Variants in PRPF40B observed in about 807,000 individuals in gnomAD.
PRPF40B encodes the protein pre-mRNA-processing factor 40 homolog B.
Under a neutral mutation model 124.5 loss-of-function variants are expected in PRPF40B, and 56 were observed. That is an observed-to-expected ratio of 0.45 (90% confidence interval 0.36 to 0.56). The LOEUF (loss-of-function observed/expected upper bound fraction) is 0.56, where lower values mean the gene tolerates loss of function less well. PRPF40B is among the 20% of genes least tolerant of loss of function. The pLI is 0.00. For synonymous variants in PRPF40B, 443 were observed against 426.4 expected (o/e 1.04, Z -0.48); for missense variants, 1,053 against 1,169.5 (o/e 0.90, Z 1.45).
At position 49,630,526 on chromosome 12, in the gene PRPF40B, C is replaced by A; in HGVS notation, c.4-19C>A. 1.5e-6 allele frequency: 2 copies of A among 1,302,720 alleles called. No homozygotes were observed. Among genetic ancestry groups the A allele is most frequent in the Non-Finnish European group, 2.2e-6 (2 of 918,702 alleles). The allele number at this position is 1,302,720 out of a possible 1,614,324, so 80.7% of individuals were successfully genotyped here. A position where few individuals can be genotyped will look rare whatever the true frequency, so the allele number is the denominator to read the frequency against. Reference sequence around the variant, plus strand: ...TCTGTGCCCATCCTGGGTCCTATGACTTTTCTCTCCCTCAACAGTCGGTTC... The same window carrying A: ...TCTGTGCCCATCCTGGGTCCTATGAATTTTCTCTCCCTCAACAGTCGGTTC... On this transcript the variant is annotated intron_variant, in intron 1 of 25. Coordinates refer to ENST00000548825, the MANE Select transcript of PRPF40B (RefSeq NM_001031698.3).
chr12:49,630,349 GGCACAAGAGAGAGCAAAA>G (rs1021109972), intron 1 of PRPF40B, among the ~76,000 whole-genome samples, 178 bp from the exon 2 acceptor site: 51 of 152,304 alleles, frequency 3.3e-4, no homozygotes, highest in African/African-American at 1.2e-3. Flanking sequence ...GCTCTGAGCT[GGCACAAGAGAGAGCAAAA>G]GCACAAGAGA....
intron 1 of PRPF40B, among the ~76,000 whole-genome samples, chr12:49,629,102 A>G (rs1013315287): frequency 6.6e-6 from 1 of 152,224 alleles, no homozygotes; most frequent in Non-Finnish European, 1.5e-5. Flanking sequence ...TGAATGGGCA[A>G]TATAGTCATA....
chr12:49,630,176 TATTTG>T (rs1195628619), intron 1 of PRPF40B, among the ~76,000 whole-genome samples: 3 of 152,180 alleles, frequency 2.0e-5, no homozygotes, highest in Admixed American at 2.0e-4. Flanking sequence ...ACCTCTAACT[TATTTG>T]AGAGAGGCAC....
rs748541729 is a variant in PRPF40B, at chr12:49,644,079, A to G, written c.2587-21A>G. 56 of 1,614,076 alleles carry G rather than the reference A, an allele frequency of 3.5e-5. No individual in the cohort carries two copies. The South Asian group carries it at 5.7e-4, about 16-fold the overall frequency. On this transcript the variant is annotated intron_variant, in intron 25 of 25. Coordinates refer to ENST00000548825, the MANE Select transcript of PRPF40B (RefSeq NM_001031698.3). ...GGCCCTTAGTGCAGGCTAAGGGTGA[A>G]CTGTGCCTTTGCTCCAACAGACAGG...
Position 49,643,666 on chromosome 12 carries a change from TTAG to T in PRPF40B, c.2381-21_2381-19del. 1.9e-6 allele frequency: 3 copies of T among 1,609,562 alleles called. No homozygotes were observed. In the African/African-American group the frequency reaches 4.0e-5, roughly 22 times the overall value. On this transcript the variant is annotated intron_variant, in intron 23 of 25. Coordinates refer to ENST00000548825, the MANE Select transcript of PRPF40B (RefSeq NM_001031698.3). The stretch of plus-strand genomic sequence containing the variant: ...GAGCCTGTCTTTCTCCTGTTGGGAC[TTAG>T]TAGGGATTTTTCTATCTCTAGATCA...
intron 1 of PRPF40B, among the ~76,000 whole-genome samples, chr12:49,626,985 C>T (rs965187398): frequency 6.6e-6 from 1 of 152,180 alleles, no homozygotes; most frequent in Non-Finnish European, 1.5e-5. Flanking sequence ...AACTACTAGA[C>T]CTAACTTACC....
rs1457850072 is a variant in PRPF40B, at chr12:49,642,000, C to G, written c.1860C>G (p.Gly620=). The G allele has an allele frequency of 6.2e-7, 1 of 1,613,132 alleles. No individual in the cohort carries two copies. Residue 620 remains glycine, a synonymous_variant, in exon 19 of 26, where the codon GGC becomes GGG. Coordinates refer to ENST00000548825, the MANE Select transcript of PRPF40B (RefSeq NM_001031698.3). ...AGAGGGCTGCCGCACTGGACGCAGGCAACATCAAGCTGACCTTCAATAGTG... is the reference window on the plus strand; with the variant it reads ...AGAGGGCTGCCGCACTGGACGCAGGGAACATCAAGCTGACCTTCAATAGTG... The part of the protein sequence containing the change: ...FDKRAAALDA[G]NIKLTFNSLL...
In PRPF40B at chr12:49,642,947, C is replaced by T. The variant is rs1363906925; in HGVS notation, c.2136C>T (p.Leu712=). 4 of 1,613,624 alleles carry T rather than the reference C, an allele frequency of 2.5e-6. No homozygotes were observed. The Admixed American group carries it at 5.0e-5, about 20-fold the overall frequency. The change falls in exon 22 of 26, where the codon CTC becomes CTT. Residue 712 remains leucine, a synonymous_variant. Transcript: ENST00000548825. This position sits in a 1 kb window ranked among gnomAD's most constrained non-coding sequence, Gnocchi z 5.8. ...LQVLETECQH[L]HTKGRKHGRK... Reference sequence around the variant, plus strand: ...TCTAGCAGACTGAATGCCAGCACCTCCACACCAAAGGCCGAAAGCATGGCA... The same window carrying T: ...TCTAGCAGACTGAATGCCAGCACCTTCACACCAAAGGCCGAAAGCATGGCA...
chr12:49,642,500 G>T lies in PRPF40B; in HGVS notation c.2023-80G>T, dbSNP rs1942807850. 3 of 1,583,180 alleles carry T rather than the reference G, an allele frequency of 1.9e-6. No homozygotes were observed. Among genetic ancestry groups the T allele is most frequent in the South Asian group, 2.2e-5 (2 of 89,792 alleles). On this transcript the variant is annotated intron_variant, in intron 20 of 25. Transcript: ENST00000548825. This position sits in a 1 kb window ranked among gnomAD's most constrained non-coding sequence, Gnocchi z 5.8. ...CAGTTCCCTTCCTTTCTCTGCCCCA[G>T]CCCTGCCCTGTGCTCATGGCGGTGT...
chr12:49,635,609 C>A lies in PRPF40B; in HGVS notation c.1275+136C>A. 1.1e-6 allele frequency: 1 copy of A among 942,018 alleles called. No homozygotes were observed. The highest frequency in any genetic ancestry group is 1.6e-6 in the Non-Finnish European group (1 of 633,744). The allele number at this position is 942,018 out of a possible 1,614,324, so 58.4% of individuals were successfully genotyped here. On this transcript the variant is annotated intron_variant, in intron 14 of 25. Coordinates refer to ENST00000548825, the MANE Select transcript of PRPF40B (RefSeq NM_001031698.3). This position sits in a 1 kb window ranked among gnomAD's most constrained non-coding sequence, Gnocchi z 4.1. ...TTCTGACTTGGAAGCTGGTATGGGA[C>A]TTGCACATCTCATTTCTGCTCTGGG...
At chr12:49,633,825 G>T in intron 9 of PRPF40B, 61 bp from the exon 10 acceptor site, 1 of 1,608,874 alleles carries the variant, frequency 6.2e-7, no homozygotes. Context: ...AAACCAGCCA[G>T]CCCCTGAAGT....
At chr12:49,643,518 T>G (rs974998628) in intron 23 of PRPF40B, 121 bp downstream of exon 23, 1 of 1,404,908 alleles carries the variant, frequency 7.1e-7, no homozygotes, top group African/African-American at 1.4e-5. Flanking sequence ...CCTGTGGAAG[T>G]AGAAAGAACT....
chr12:49,643,838 A>G (rs763287654), intron 24 of PRPF40B, 23 bp from the exon 25 acceptor site: 20 of 1,614,148 alleles, frequency 1.2e-5, no homozygotes, highest in Non-Finnish European at 1.5e-5. Flanking sequence ...GGAACTGAGG[A>G]GGTGGGCTCT....
At chr12:49,643,545 G>T (rs1400360294) in intron 23 of PRPF40B, 146 bp from the exon 24 acceptor site, 1 of 1,361,786 alleles carries the variant, frequency 7.3e-7, no homozygotes, top group Non-Finnish European at 9.9e-7. Flanking sequence ...ACCTGCCCAA[G>T]CAAGAAGCTG....
intron 1 of PRPF40B, among the ~76,000 whole-genome samples, chr12:49,625,502 CTGTTT>C (rs1940623467): frequency 6.6e-6 from 1 of 152,164 alleles, no homozygotes; most frequent in Admixed American, 6.5e-5. Context: ...TTCCCTCTTT[CTGTTT>C]TTTTTCCTAC....
chr12:49,641,687 C>A (rs1565848400), intron 18 of PRPF40B: 1 of 544,012 alleles, frequency 1.8e-6, no homozygotes, highest in Non-Finnish European at 3.3e-6. Flanking sequence ...CATCTCCCAA[C>A]CCCTTCAGCT....
chr12:49,627,075 G>C (rs984221812), intron 1 of PRPF40B, among the ~76,000 whole-genome samples: 3 of 152,314 alleles, frequency 2.0e-5, no homozygotes, highest in Non-Finnish European at 2.9e-5. Context: ...CACCTAGTTT[G>C]TACCCATAGA....
intron 23 of PRPF40B, 41 bp downstream of exon 23, chr12:49,643,438 T>G (rs936308388): frequency 5.9e-6 from 9 of 1,525,750 alleles, no homozygotes; most frequent in African/African-American, 1.4e-5. Flanking sequence ...AGAACTGTTG[T>G]CCCAGACTGA....
At chr12:49,637,634 G>A (rs545375851) in intron 17 of PRPF40B, 50 bp downstream of exon 17, 1 of 1,585,342 alleles carries the variant, frequency 6.3e-7, no homozygotes, top group East Asian at 2.2e-5. Flanking sequence ...TGCCCTGCCA[G>A]CCTCTCTGCA....
Sources: gnomAD v4.1 joint callset for allele counts (sites outside exome capture counted in the v4.1 genomes callset) on GRCh38, gnomAD v4.1.1 for gene constraint, Gnocchi (gnomAD v3.1) non-coding constraint, MANE v1.5 for transcripts, NCBI Gene and HGNC (gene_info 2026-07-23, HGNC 2026-07-21) for gene names.